The following SLF2 variants were observed in gnomAD, a reference collection of about 807,000 sequenced individuals.
SLF2 encodes SMC5-SMC6 complex localization factor protein 2.
A neutral mutation model predicts 124.3 loss-of-function variants in SLF2; 68 were observed. The ratio of observed to expected loss-of-function variants is 0.55; its 90% CI spans 0.45 to 0.67. The LOEUF is 0.67. Among genes scored for constraint, SLF2 ranks in the 30% least tolerant of loss-of-function variants. The pLI is 0.00. For missense variants in SLF2, 1,246 were observed against 1,373.7 expected (o/e 0.91, Z 1.47); for synonymous variants, 480 against 478.8 (o/e 1.00, Z -0.03).
rs765460905 is a variant in SLF2 at position 100,964,593 on chromosome 10, T to C, written c.*2681T>C. The C allele has an allele frequency of 6.6e-6, 1 of 152,636 alleles. No individual in the cohort carries two copies. The highest frequency in any genetic ancestry group is 1.5e-5 in the Non-Finnish European group (1 of 68,040). 9.5% of individuals were successfully genotyped at this position (152,636 alleles called of 1,614,324 possible). ...TTTTGTTTCTGCTTTCAAGCGCAAA[T>C]AGTAGCTTGCTTTCAGCTTCACAAA... is the stretch of plus-strand genomic sequence containing the variant. On this transcript the variant is annotated 3_prime_UTR_variant, in exon 20 of 20. Coordinates refer to ENST00000238961, the MANE Select transcript of SLF2 (RefSeq NM_018121.4).
intron 1 of SLF2, 194 bp downstream of exon 1, chr10:100,913,444 GC>G: frequency 7.5e-7 from 1 of 1,324,560 alleles, no homozygotes; most frequent in South Asian, 2.0e-5. Context: ...CTGTAGTTGG[GC>G]AGCTGCTCTT....
In SLF2 at chr10:100,913,844, T is replaced by G. The variant is rs143307960; in HGVS notation, c.140+594T>G. 397 of 985,528 alleles carry G rather than the reference T, an allele frequency of 4.0e-4. 1 individual carries two copies. In the African/African-American group the frequency reaches 6.2e-3, roughly 15 times the overall value. The allele number at this position is 985,528 out of a possible 1,614,324, so 61.0% of individuals were successfully genotyped here. A position where few individuals can be genotyped will look rare whatever the true frequency, so the allele number is the denominator to read the frequency against. On this transcript the variant is annotated intron_variant, in intron 1 of 19. Transcript: ENST00000238961. ...CTATGTAATGAGATGGGGAGTTTCATCTAATGACATCCTCTGACAATAAAA... is the reference window on the plus strand; with the variant it reads ...CTATGTAATGAGATGGGGAGTTTCAGCTAATGACATCCTCTGACAATAAAA...
intron 17 of SLF2, among the ~76,000 whole-genome samples, chr10:100,954,114 G>T (rs1192299009): frequency 1.3e-5 from 2 of 151,986 alleles, no homozygotes; most frequent in African/African-American, 4.8e-5. Context: ...AAAATTAACC[G>T]GGCATGGTGA....
At chr10:100,956,221 T>C (rs1041914806) in intron 17 of SLF2, among the ~76,000 whole-genome samples, 3 of 152,238 alleles carry the variant, frequency 2.0e-5, no homozygotes, top group South Asian at 2.1e-4. Context: ...TGCGAGTTAA[T>C]GCATAGCAAA....
At chr10:100,939,109 C>CT (rs1849919788) in intron 11 of SLF2, among the ~76,000 whole-genome samples, 2 of 152,140 alleles carry the variant, frequency 1.3e-5, no homozygotes, top group South Asian at 4.1e-4. Context: ...ACATAGAAGC[C>CT]TAAGACTCAG....
At chr10:100,915,924 C>T in intron 1 of SLF2, 75 bp from the exon 2 acceptor site, 9 of 1,149,500 alleles carry the variant, frequency 7.8e-6, no homozygotes, top group Non-Finnish European at 1.2e-5. Context: ...TTTTATAAAT[C>T]TTTCTCCATT....
At chr10:100,955,647 C>G (rs751660256) in intron 17 of SLF2, among the ~76,000 whole-genome samples, 49 of 152,124 alleles carry the variant, frequency 3.2e-4, no homozygotes, top group Non-Finnish European at 6.8e-4. Flanking sequence ...GTGGCTCACA[C>G]CTGTAATCCC....
rs1850447896 is a variant in SLF2 at position 100,962,837 on chromosome 10, G to A, written c.*925G>A. The A allele has an allele frequency of 6.7e-6, 1 of 148,902 alleles. No individual in the cohort carries two copies. Among genetic ancestry groups the A allele is most frequent in the Non-Finnish European group, 1.5e-5 (1 of 67,484 alleles). 9.2% of individuals were successfully genotyped at this position (148,902 alleles called of 1,614,324 possible). On this transcript the variant is annotated 3_prime_UTR_variant, in exon 20 of 20. Transcript: ENST00000238961. Reference sequence around the variant, plus strand: ...CTGAATTCTTTGGGACACTGTGTCTGTGTATGTGTGTGTGTGTGTGTGTGT... The same window carrying A: ...CTGAATTCTTTGGGACACTGTGTCTATGTATGTGTGTGTGTGTGTGTGTGT...
rs539938956 is a variant in SLF2, at chr10:100,944,795, C to T, written c.2758-535C>T. ...ATCCCAGCACTTTGGGAGGCCAAGA[C>T]GGGTGGATCACCTGAGGTCAGGAGC... On this transcript the variant is annotated intron_variant, in intron 12 of 19. Transcript: ENST00000238961. 1.5e-3 allele frequency among the ~76,000 whole-genome samples: 235 copies of T among 152,220 alleles called. 1 individual carries two copies. Among genetic ancestry groups the T allele is most frequent in the Non-Finnish European group, 2.7e-3 (182 of 68,010 alleles).
At chr10:100,957,224 A>C (rs1177619358) in intron 18 of SLF2, among the ~76,000 whole-genome samples, 1 of 152,070 alleles carries the variant, frequency 6.6e-6, no homozygotes, top group African/African-American at 2.4e-5. Flanking sequence ...AGTGGCTTTG[A>C]AATTTTATGA....
chr10:100,950,289 A>G (rs951395397), intron 16 of SLF2, 82 bp downstream of exon 16: 2 of 1,415,058 alleles, frequency 1.4e-6, no homozygotes, highest in African/African-American at 2.9e-5. Context: ...ATATGTAGGC[A>G]TTTCTGGATT....
chr10:100,964,056 A>G lies in SLF2; in HGVS notation c.*2144A>G, dbSNP rs1380620395. 2.6e-5 allele frequency: 4 copies of G among 152,612 alleles called. No individual in the cohort carries two copies. The highest frequency in any genetic ancestry group is 9.7e-5 in the African/African-American group (4 of 41,430). The allele number at this position is 152,612 out of a possible 1,614,324, so 9.5% of individuals were successfully genotyped here. A position where few individuals can be genotyped will look rare whatever the true frequency, so the allele number is the denominator to read the frequency against. On this transcript the variant is annotated 3_prime_UTR_variant, in exon 20 of 20. Transcript: ENST00000238961. ...GTATTTGCATTTGGGTTCTCATGAA[A>G]ACTTTGTGACTCTCTTTTAGCACAA... is the stretch of plus-strand genomic sequence containing the variant.
In SLF2 at chr10:100,924,768, T is replaced by TA. The variant is rs1206276548; in HGVS notation, c.1768dup (p.Ser590LysfsTer11). 1 of 1,614,000 alleles carries TA rather than the reference T, an allele frequency of 6.2e-7. No homozygotes were observed. Among genetic ancestry groups the TA allele is most frequent in the Non-Finnish European group, 8.5e-7 (1 of 1,180,024 alleles). On this transcript the variant is annotated frameshift_variant, in exon 5 of 20. Transcript: ENST00000238961. LOFTEE classifies it high-confidence loss of function. ...AGAGTTCAGGAAATTCCAATGCAGGTAGCAGTGCACTGAAAAGAAAACTAA... is the reference window on the plus strand; with the variant it reads ...AGAGTTCAGGAAATTCCAATGCAGGTAAGCAGTGCACTGAAAAGAAAACTAA...
rs1325119647 is a variant in SLF2 at position 100,913,177 on chromosome 10, C to T, written c.67C>T (p.Pro23Ser). 6.2e-7 allele frequency: 1 copy of T among 1,613,448 alleles called. No homozygotes were observed. Among genetic ancestry groups the T allele is most frequent in the South Asian group, 1.1e-5 (1 of 90,958 alleles). The change falls in exon 1 of 20, where the codon CCG becomes TCG. Residue 23 changes from proline (P) to serine (S), a missense_variant. By Grantham distance (74) the Pro-to-Ser change is moderately conservative. Around this residue, in one of 3 missense-constraint regions of SLF2, gnomAD observed 698 missense variants for 708.9 expected, o/e 0.98. Coordinates refer to ENST00000238961, the MANE Select transcript of SLF2 (RefSeq NM_018121.4). ...ATCCCCAGCCCCGGGGTCGTCGCCCCCGCGCTGCCATCTGAGACCCGGTAG... is the reference window on the plus strand; with the variant it reads ...ATCCCCAGCCCCGGGGTCGTCGCCCTCGCGCTGCCATCTGAGACCCGGTAG... ...PSSPAPGSSPPRCHLRPGSTA... is the reference protein window; with the variant it reads ...PSSPAPGSSPSRCHLRPGSTA...
intron 4 of SLF2, among the ~76,000 whole-genome samples, chr10:100,920,175 C>G (rs1335853921): frequency 1.3e-5 from 2 of 152,188 alleles, no homozygotes; most frequent in Non-Finnish European, 2.9e-5. Flanking sequence ...CACTGTATTG[C>G]ACATTTTTAA....
chr10:100,956,553 C>CTTTTT lies in SLF2; in HGVS notation c.3417+19_3417+23dup. The CTTTTT allele has an allele frequency of 6.6e-7, 1 of 1,512,562 alleles. No individual in the cohort carries two copies. The highest frequency in any genetic ancestry group is 9.0e-7 in the Non-Finnish European group (1 of 1,112,880). The allele number at this position is 1,512,562 out of a possible 1,614,324, so 93.7% of individuals were successfully genotyped here. A position where few individuals can be genotyped will look rare whatever the true frequency, so the allele number is the denominator to read the frequency against. ...CAGAACTAAGGTAAGTGTGTTCTTTCTTTTTTTCTTTTTTTTTTTCTTAAT... is the reference window on the plus strand; with the variant it reads ...CAGAACTAAGGTAAGTGTGTTCTTTCTTTTTTTTTTTTCTTTTTTTTTTTCTTAAT... On this transcript the variant is annotated intron_variant, in intron 18 of 19. Transcript: ENST00000238961.
In SLF2 at chr10:100,917,239, C is replaced by T. The variant is rs41291454; in HGVS notation, c.854C>T (p.Pro285Leu). The change falls in exon 3 of 20, where the codon CCA becomes CTA. Residue 285 changes from proline (P) to leucine (L), a missense_variant. Pro to Leu is a moderately conservative substitution (Grantham distance 98, BLOSUM62 -3). Around this residue, in one of 3 missense-constraint regions of SLF2, gnomAD observed 698 missense variants for 708.9 expected, o/e 0.98. Coordinates refer to ENST00000238961, the MANE Select transcript of SLF2 (RefSeq NM_018121.4). ...LKSSIERKYK[P>L]RQEQRKQNDI... ...TCTAGTATAGAAAGAAAATATAAAC[C>T]AAGGCAGGAACAAAGGAAACAGAAT... is the stretch of plus-strand genomic sequence containing the variant. The T allele has an allele frequency of 8.1e-3, 13,085 of 1,613,636 alleles. 71 individuals are homozygous for T. Among genetic ancestry groups the T allele is most frequent in the Non-Finnish European group, 9.0e-3 (10,622 of 1,179,914 alleles).
chr10:100,924,722 A>G lies in SLF2; in HGVS notation c.1721A>G (p.Asp574Gly), dbSNP rs2133768541. ...ATCCCAAGCCCTGCAGCACCTTCAG[A>G]TAAAGCCCCTTCAGAAGGAGAGAGT... ...PCIPSPAAPSDKAPSEGESSG... is the reference protein window; with the variant it reads ...PCIPSPAAPSGKAPSEGESSG... The change falls in exon 5 of 20, where the codon GAT becomes GGT. Residue 574 changes from aspartate (D) to glycine (G), a missense_variant. Asp to Gly is a moderately conservative substitution (Grantham distance 94, BLOSUM62 -1). Around this residue, in one of 3 missense-constraint regions of SLF2, gnomAD observed 698 missense variants for 708.9 expected, o/e 0.98. Coordinates refer to ENST00000238961, the MANE Select transcript of SLF2 (RefSeq NM_018121.4). 4 of 1,614,184 alleles carry G rather than the reference A, an allele frequency of 2.5e-6. No homozygotes were observed. In the East Asian group the frequency reaches 8.9e-5, roughly 36 times the overall value.
At chr10:100,918,767 A>T (rs907789596) in intron 4 of SLF2, among the ~76,000 whole-genome samples, 7 of 151,964 alleles carry the variant, frequency 4.6e-5, no homozygotes, top group Non-Finnish European at 1.0e-4. Flanking sequence ...GGGACTACAG[A>T]TGTGGGCAAC....
Sources: gnomAD v4.1 joint callset for allele counts (sites outside exome capture counted in the v4.1 genomes callset) on GRCh38, gnomAD v4.1.1 for gene constraint, gnomAD v4.1.1 regional missense constraint, MANE v1.5 for transcripts, NCBI Gene and HGNC (gene_info 2026-07-23, HGNC 2026-07-21) for gene names.